The following USH2A variants were observed in gnomAD, a reference collection of about 807,000 sequenced individuals.
USH2A encodes the protein Usher syndrome 2A (autosomal recessive, mild).
In USH2A, 443 loss-of-function variants were observed where a neutral mutation model predicts 538.9. That is an observed-to-expected ratio of 0.82 (90% confidence interval 0.76 to 0.89). USH2A has a LOEUF of 0.89. USH2A is among the 40% of genes least tolerant of loss of function. USH2A has a pLI of 0.00. For missense variants in USH2A, 6,633 were observed against 6,324.8 expected (o/e 1.05, Z -1.65); for synonymous variants, 2,413 against 2,273.5 (o/e 1.06, Z -1.75).
intron 47 of USH2A, among the ~76,000 whole-genome samples, chr1:215,827,923 T>C (rs1663201091): frequency 6.6e-6 from 1 of 152,178 alleles, no homozygotes; most frequent in African/African-American, 2.4e-5. Context: ...ATTTTTTCTT[T>C]TAATTTTACA....
intron 11 of USH2A, among the ~76,000 whole-genome samples, chr1:216,256,321 C>CTTTTTTTTTTT (rs201852377): frequency 8.0e-6 from 1 of 125,536 alleles, no homozygotes; most frequent in Non-Finnish European, 1.7e-5. Context: ...TTCTTTTTTC[C>CTTTTTTTTTTT]TTTTTTTTTT....
chr1:216,059,034 T>C lies in USH2A; in HGVS notation c.6050-10387A>G, dbSNP rs145074904. ...TATGGAGTAAGAACTTTCAGTTGAA[T>C]AGAAAAAAAAATTTCACGGCGTTGA... is the stretch of plus-strand genomic sequence containing the variant. On this transcript the variant is annotated intron_variant, in intron 30 of 71. Coordinates refer to ENST00000307340, the MANE Select transcript of USH2A (RefSeq NM_206933.4). 7.2e-3 allele frequency among the ~76,000 whole-genome samples: 1,095 copies of C among 152,086 alleles called. 12 individuals carry two copies. Among genetic ancestry groups the C allele is most frequent in the Middle Eastern group, 0.02 (6 of 294 alleles).
intron 65 of USH2A, among the ~76,000 whole-genome samples, chr1:215,650,104 T>C (rs1051729932): frequency 2.0e-5 from 3 of 152,204 alleles, no homozygotes; most frequent in African/African-American, 7.2e-5. Context: ...GTTAGAACTT[T>C]CTTGAAATCA....
chr1:216,049,305 A>G (rs1159907689), intron 30 of USH2A, among the ~76,000 whole-genome samples: 1 of 152,218 alleles, frequency 6.6e-6, no homozygotes, highest in Non-Finnish European at 1.5e-5. Context: ...GAAGTGTTAC[A>G]CGTGGAAGTA....
chr1:216,168,739 A>G (rs947811322), intron 21 of USH2A, among the ~76,000 whole-genome samples: 2 of 152,138 alleles, frequency 1.3e-5, no homozygotes, highest in African/African-American at 4.8e-5. Flanking sequence ...ATTTAAGATC[A>G]GTGTTTGAGA....
chr1:215,802,489 A>G (rs1196872086), intron 49 of USH2A, among the ~76,000 whole-genome samples: 2 of 152,144 alleles, frequency 1.3e-5, no homozygotes, highest in Admixed American at 6.6e-5. Flanking sequence ...GAAGACATAC[A>G]AATAGCCAAT....
At chr1:215,724,787 C>A (rs956920976) in intron 61 of USH2A, among the ~76,000 whole-genome samples, 3 of 152,124 alleles carry the variant, frequency 2.0e-5, no homozygotes, top group African/African-American at 7.2e-5. Context: ...TAGACTTCAA[C>A]AACATAGTTA....
chr1:215,931,146 T>C (rs1666353252), intron 38 of USH2A, among the ~76,000 whole-genome samples: 1 of 151,970 alleles, frequency 6.6e-6, no homozygotes, highest in Admixed American at 6.6e-5. Flanking sequence ...AAAATGTGTG[T>C]TAATTGGGAT....
chr1:215,721,787 T>C (rs958790956), intron 61 of USH2A, among the ~76,000 whole-genome samples: 3 of 152,098 alleles, frequency 2.0e-5, no homozygotes, highest in Admixed American at 6.6e-5. Flanking sequence ...AGTTTTGCCA[T>C]GGTCAGTGGC....
At chr1:215,705,599 A>T (rs2102693655) in intron 61 of USH2A, among the ~76,000 whole-genome samples, 1 of 152,332 alleles carries the variant, frequency 6.6e-6, no homozygotes, top group South Asian at 2.1e-4. Context: ...CTCTTTCAGA[A>T]TAGAAAAGGG....
intron 11 of USH2A, among the ~76,000 whole-genome samples, chr1:216,271,071 A>C (rs2036564002): frequency 6.6e-6 from 1 of 152,132 alleles, no homozygotes; most frequent in African/African-American, 2.4e-5. Context: ...TTCCCCACTG[A>C]GGTAGATTGT....
chr1:215,768,770 CA>C (rs1446111033), intron 55 of USH2A, among the ~76,000 whole-genome samples: 1 of 152,016 alleles, frequency 6.6e-6, no homozygotes, highest in African/African-American at 2.4e-5. Context: ...TCTTTACCGA[CA>C]AAAAGGGGTC....
intron 58 of USH2A, 113 bp downstream of exon 58, chr1:215,758,482 A>G (rs957839029): frequency 2.2e-6 from 3 of 1,340,920 alleles, no homozygotes; most frequent in African/African-American, 2.9e-5. Context: ...ATATTTATCC[A>G]GGAGACCGAC....
rs1032286419 is a variant in USH2A at position 215,968,842 on chromosome 1, G to A, written c.6957+1783C>T. 5.9e-5 allele frequency among the ~76,000 whole-genome samples: 9 copies of A among 152,192 alleles called. No homozygotes were observed. In the East Asian group the frequency reaches 9.7e-4, roughly 16 times the overall value. The stretch of plus-strand genomic sequence containing the variant: ...ATTTAGATGAATATCTTAAGAAACC[G>A]TTGTACACCATTGCCACGTTTGACT... On this transcript the variant is annotated intron_variant, in intron 36 of 71. Transcript: ENST00000307340.
intron 58 of USH2A, among the ~76,000 whole-genome samples, chr1:215,753,688 C>G (rs777730927): frequency 6.6e-6 from 1 of 152,062 alleles, no homozygotes; most frequent in African/African-American, 2.4e-5. Context: ...GGAGGGATAG[C>G]ATTAGGAGAT....
rs111033529 is a variant in USH2A, at chr1:215,878,891, G to T, written c.8431C>A (p.Pro2811Thr). ...GYLGGCTESL[P>T]TYVTTHPTVP... ...GTGGGGTGAGTGGTAACATAGGTAGGTAAACTCTCTGTGCACCCTCCAAGG... is the reference window on the plus strand; with the variant it reads ...GTGGGGTGAGTGGTAACATAGGTAGTTAAACTCTCTGTGCACCCTCCAAGG... The change falls in exon 42 of 72, where the codon CCT (proline) becomes ACT (threonine). Residue 2811 changes from proline to threonine, a missense_variant. Transcript: ENST00000307340. 1.3e-4 allele frequency: 203 copies of T among 1,614,024 alleles called. 2 individuals carry two copies. In the South Asian group the frequency reaches 1.9e-3, roughly 15 times the overall value.
chr1:216,072,654 T>A, intron 29 of USH2A: 1 of 554,720 alleles, frequency 1.8e-6, no homozygotes, highest in East Asian at 3.3e-5. Flanking sequence ...TACTTCTGCA[T>A]CCTAAGAGGA....
chr1:216,368,972 A>G (rs773861467), intron 3 of USH2A, among the ~76,000 whole-genome samples: 5 of 152,160 alleles, frequency 3.3e-5, no homozygotes, highest in Non-Finnish European at 5.9e-5. Context: ...CGATTTGACA[A>G]CGTATCTTAA....
At chr1:215,640,262 A>T (rs936860773) in intron 68 of USH2A, among the ~76,000 whole-genome samples, 2 of 152,092 alleles carry the variant, frequency 1.3e-5, no homozygotes, top group African/African-American at 4.8e-5. Context: ...TATGGGTGCT[A>T]TTTCTTTTGT....
Sources: gnomAD v4.1 joint callset for allele counts (sites outside exome capture counted in the v4.1 genomes callset) on GRCh38, gnomAD v4.1.1 for gene constraint, MANE v1.5 for transcripts, NCBI Gene and HGNC (gene_info 2026-07-23, HGNC 2026-07-21) for gene names.